The following TBCD variants were observed in gnomAD, a reference collection of about 807,000 sequenced individuals.
The protein encoded by TBCD is tubulin folding cofactor D, also known as tubulin-specific chaperone D.
TBCD carries 105 observed loss-of-function variants against 169.3 expected under a neutral mutation model. The ratio of observed to expected loss-of-function variants is 0.62; its 90% CI spans 0.53 to 0.73. TBCD has a LOEUF of 0.73. TBCD is among the 30% of genes least tolerant of loss of function. TBCD has a pLI of 0.00. For synonymous variants in TBCD, 700 were observed against 643.9 expected (o/e 1.09, Z -1.32); for missense variants, 1,444 against 1,600.1 (o/e 0.90, Z 1.66).
chr17:82,808,359 GCAGGGGCCAGCAGA>G (rs2051139472), intron 11 of TBCD, among the ~76,000 whole-genome samples: 5 of 139,666 alleles, frequency 3.6e-5, no homozygotes, highest in Admixed American at 3.4e-4. Context: ...TGAGGCAGGT[GCAGGGGCCAGCAGA>G]TGCTGGGGTT....
chr17:82,906,236 C>T (rs143879577), intron 20 of TBCD, among the ~76,000 whole-genome samples, 183 bp downstream of exon 20: 41 of 152,334 alleles, frequency 2.7e-4, no homozygotes, highest in Non-Finnish European at 3.5e-4. Flanking sequence ...TCTCTCCTGA[C>T]GGTCATGCCG....
At chr17:82,914,166 G>A (rs774576104) in intron 23 of TBCD, 1 of 152,296 alleles carries the variant, frequency 6.6e-6, no homozygotes, top group Non-Finnish European at 1.5e-5. Flanking sequence ...TGCTTCGTCC[G>A]GGTTTTAAAA....
intron 22 of TBCD, among the ~76,000 whole-genome samples, chr17:82,910,301 G>A (rs1283614356): frequency 6.6e-6 from 1 of 152,208 alleles, no homozygotes; most frequent in African/African-American, 2.4e-5. Flanking sequence ...CTCTGGGTGA[G>A]TAGAGGCCTC....
rs1286614714 is a variant in TBCD at position 82,943,295 on chromosome 17, G to C, written c.*832G>C. ...TGAGCTCGTGCTGATCCATCCCAAA[G>C]CTGGTGAGGGGAACGTGTATAAAAA... On this transcript the variant is annotated 3_prime_UTR_variant, in exon 39 of 39. Transcript: ENST00000355528. The C allele has an allele frequency of 2.0e-5, 3 of 152,286 alleles. No homozygotes were observed. Among genetic ancestry groups the C allele is most frequent in the African/African-American group, 7.2e-5 (3 of 41,444 alleles). 9.4% of individuals were successfully genotyped at this position (152,286 alleles called of 1,614,324 possible).
intron 36 of TBCD, 97 bp from the exon 37 acceptor site, chr17:82,939,270 C>T (rs966297942): frequency 1.0e-6 from 1 of 958,690 alleles, no homozygotes; most frequent in Non-Finnish European, 1.6e-6. Context: ...CTCCTGACGC[C>T]TTCCACTGAC....
At chr17:82,840,974 T>G (rs2054466750) in intron 13 of TBCD, among the ~76,000 whole-genome samples, 2 of 141,408 alleles carry the variant, frequency 1.4e-5, no homozygotes, top group African/African-American at 5.3e-5. Flanking sequence ...TTTTTTTTTT[T>G]TTTTTTTTTG....
intron 22 of TBCD, among the ~76,000 whole-genome samples, chr17:82,910,376 C>T (rs942254389): frequency 1.3e-5 from 2 of 152,168 alleles, no homozygotes; most frequent in African/African-American, 2.4e-5. Context: ...CCTGTGCTGA[C>T]GAAGCATTCC....
chr17:82,851,610 C>T (rs952882349), intron 13 of TBCD, among the ~76,000 whole-genome samples: 3 of 152,144 alleles, frequency 2.0e-5, no homozygotes, highest in Admixed American at 1.3e-4. Context: ...TCACTCTGCA[C>T]AGGGCGGGTG....
intron 17 of TBCD, chr17:82,895,748 T>TGGGGCCTCAGCTTGCACGTGCTG (rs1172340352): frequency 6.6e-6 from 1 of 152,112 alleles, no homozygotes; most frequent in African/African-American, 2.4e-5. Flanking sequence ...GCGAGGAGGT[T>TGGGGCCTCAGCTTGCACGTGCTG]GGGGCCTCAG....
In TBCD at chr17:82,923,578, G is replaced by T; in HGVS notation, c.2179-74G>T. The T allele has an allele frequency of 7.9e-7, 1 of 1,265,900 alleles. No individual in the cohort carries two copies. The highest frequency in any genetic ancestry group is 1.3e-5 in the South Asian group (1 of 77,140). 78.4% of individuals were successfully genotyped at this position (1,265,900 alleles called of 1,614,324 possible). The stretch of plus-strand genomic sequence containing the variant: ...TCAGGTGCTTCTCCGACTTCAGAGT[G>T]ACCTGCTCTGTCCCTGGCCGGGGGC... On this transcript the variant is annotated intron_variant, in intron 25 of 38. Transcript: ENST00000355528. This position sits in a 1 kb window ranked among gnomAD's most constrained non-coding sequence, Gnocchi z 4.6.
At chr17:82,828,993 C>T (rs560511455) in intron 13 of TBCD, among the ~76,000 whole-genome samples, 18 of 141,062 alleles carry the variant, frequency 1.3e-4, no homozygotes, top group African/African-American at 4.5e-4. Context: ...ATACCCACCC[C>T]CACAATCACG....
intron 13 of TBCD, among the ~76,000 whole-genome samples, chr17:82,834,916 G>A (rs143946729): frequency 0.015 from 2,276 of 152,186 alleles, 32 homozygotes; most frequent in Non-Finnish European, 0.021. Flanking sequence ...TTAAATGGAG[G>A]GCTGGGGGCC....
chr17:82,790,474 G>A (rs1263679619), intron 7 of TBCD, among the ~76,000 whole-genome samples: 2 of 152,172 alleles, frequency 1.3e-5, no homozygotes, highest in Admixed American at 1.3e-4. Context: ...GCCCACGCCT[G>A]GGGTTCCCCA....
intron 2 of TBCD, among the ~76,000 whole-genome samples, chr17:82,758,419 A>ATAAAT (rs1467354633): frequency 1.0e-4 from 14 of 135,588 alleles, no homozygotes; most frequent in African/African-American, 2.9e-4. Flanking sequence ...AAATAAATAA[A>ATAAAT]TTTTTTTTTT....
chr17:82,830,102 G>A (rs1182519141), intron 13 of TBCD: 14 of 1,611,792 alleles, frequency 8.7e-6, no homozygotes, highest in Non-Finnish European at 1.1e-5. Flanking sequence ...GAAGGCGTGT[G>A]TGTGGCCGTA....
chr17:82,940,244 C>CACACACACACACA (rs1055403898), intron 37 of TBCD, among the ~76,000 whole-genome samples: 1 of 150,812 alleles, frequency 6.6e-6, no homozygotes, highest in Non-Finnish European at 1.5e-5. Flanking sequence ...CACACACACA[C>CACACACACACACA]ACTTCTAAAA....
At chr17:82,809,357 G>A (rs1228883622) in intron 11 of TBCD, among the ~76,000 whole-genome samples, 9 of 152,252 alleles carry the variant, frequency 5.9e-5, no homozygotes, top group Non-Finnish European at 7.4e-5. Flanking sequence ...CACAGAGGAA[G>A]CCCGGCTCCA....
rs2058314937 is a variant in TBCD at position 82,880,978 on chromosome 17, G to C, written c.1476-3167G>C. ...AGCTCTGGGCTCTGTTTGTGGCTGT[G>C]GCCACACAGGGCAGGGCCTCAGGGC... On this transcript the variant is annotated intron_variant, in intron 14 of 38. Coordinates refer to ENST00000355528, the MANE Select transcript of TBCD (RefSeq NM_005993.5). The surrounding 1 kb of genome is among the most constrained non-coding windows in gnomAD (Gnocchi z 5.0). 6.6e-6 allele frequency among the ~76,000 whole-genome samples: 1 copy of C among 152,192 alleles called. No individual in the cohort carries two copies.
intron 13 of TBCD, among the ~76,000 whole-genome samples, chr17:82,826,503 C>T (rs971817026): frequency 4.6e-5 from 7 of 151,870 alleles, no homozygotes; most frequent in Admixed American, 2.0e-4. Flanking sequence ...GCAGCCTTGA[C>T]CTCCTGGGCT....
Sources: gnomAD v4.1 joint callset for allele counts (sites outside exome capture counted in the v4.1 genomes callset) on GRCh38, gnomAD v4.1.1 for gene constraint, Gnocchi (gnomAD v3.1) non-coding constraint, MANE v1.5 for transcripts, NCBI Gene and HGNC (gene_info 2026-07-23, HGNC 2026-07-21) for gene names.